The following CLTC variants were observed in gnomAD, a reference collection of about 807,000 sequenced individuals.
CLTC encodes the protein clathrin heavy chain, also known as clathrin heavy chain 1.
A neutral mutation model predicts 195.8 loss-of-function variants in CLTC; 16 were observed. The ratio of observed to expected loss-of-function variants is 0.08; its 90% CI spans 0.06 to 0.12. The LOEUF (loss-of-function observed/expected upper bound fraction) is 0.12, where lower values mean the gene tolerates loss of function less well. Among genes scored for constraint, CLTC ranks in the 10% least tolerant of loss-of-function variants. The pLI is 1.00. For synonymous variants in CLTC, 667 were observed against 689.4 expected, an observed-to-expected ratio of 0.97 and a Z score of 0.51; for missense variants, 796 against 2,027.0, an observed-to-expected ratio of 0.39 and a Z score of 11.66.
chr17:59,678,037 A>G (rs2033003556), intron 17 of CLTC, among the ~76,000 whole-genome samples: 1 of 152,130 alleles, frequency 6.6e-6, no homozygotes, highest in African/African-American at 2.4e-5. Context: ...TACTGTCTCT[A>G]TGGATTTGCC....
intron 17 of CLTC, 70 bp from the exon 18 acceptor site, chr17:59,679,327 A>G (rs935782319): frequency 3.9e-6 from 5 of 1,294,120 alleles, no homozygotes; most frequent in African/African-American, 3.0e-5. Flanking sequence ...AAGATAGGAA[A>G]TACCCTCTAA....
chr17:59,690,550 C>T (rs1027171566), intron 30 of CLTC, 86 bp from the exon 31 acceptor site: 9 of 853,320 alleles, frequency 1.1e-5, no homozygotes, highest in African/African-American at 1.7e-5. Flanking sequence ...CAGAATTTAA[C>T]ATACTAAGGC....
chr17:59,631,018 CT>C (rs2031698548), intron 1 of CLTC, among the ~76,000 whole-genome samples: 1 of 152,198 alleles, frequency 6.6e-6, no homozygotes, highest in Non-Finnish European at 1.5e-5. Context: ...GACATGCCCA[CT>C]AGAAATATAT....
intron 1 of CLTC, among the ~76,000 whole-genome samples, chr17:59,639,919 A>G (rs1325660344): frequency 6.6e-6 from 1 of 151,930 alleles, no homozygotes; most frequent in Non-Finnish European, 1.5e-5. Context: ...GTACCACTGC[A>G]CTCCAGCCTG....
chr17:59,690,653 T>G lies in CLTC; in HGVS notation c.4845T>G (p.Ala1615=). The part of the protein sequence containing the change: ...EYLTKVDKLD[A]SESLRKEEEQ... ...TTCTCCAGGTGGATAAATTAGATGC[T>G]TCAGAATCACTGAGAAAAGAAGAAG... Residue 1615 remains alanine (A), a synonymous_variant, in exon 31 of 32, where the codon GCT becomes GCG. Coordinates refer to ENST00000269122, the MANE Select transcript of CLTC (RefSeq NM_004859.4). 3 of 1,612,972 alleles carry G rather than the reference T, an allele frequency of 1.9e-6. No homozygotes were observed. Among genetic ancestry groups the G allele is most frequent in the Non-Finnish European group, 2.5e-6 (3 of 1,179,370 alleles).
intron 1 of CLTC, among the ~76,000 whole-genome samples, chr17:59,627,144 ACCTGCCACAG>A (rs1167147947): frequency 6.6e-6 from 1 of 152,002 alleles, no homozygotes; most frequent in African/African-American, 2.4e-5. Flanking sequence ...CAAGCAGTCC[ACCTGCCACAG>A]CCTCCCAAAG....
chr17:59,637,554 TAAAAAA>T (rs545077564), intron 1 of CLTC, among the ~76,000 whole-genome samples: 4 of 131,334 alleles, frequency 3.0e-5, no homozygotes, highest in South Asian at 2.6e-4. Flanking sequence ...TGAAGTTTCT[TAAAAAA>T]AAAAAAAAAA....
intron 1 of CLTC, among the ~76,000 whole-genome samples, chr17:59,630,644 A>G (rs1044083294): frequency 6.6e-6 from 1 of 152,156 alleles, no homozygotes; most frequent in African/African-American, 2.4e-5. Flanking sequence ...CCTGTTCTGG[A>G]TATTTCACAT....
At position 59,666,766 on chromosome 17, in the gene CLTC, TATTC is replaced by T; in HGVS notation, c.1948-19_1948-16del. On this transcript the variant is annotated intron_variant, in intron 12 of 31. Coordinates refer to ENST00000269122, the MANE Select transcript of CLTC (RefSeq NM_004859.4). The surrounding 1 kb of genome is among the most constrained non-coding windows in gnomAD (Gnocchi z 4.9). ...CCATGAGGTTCAACATTATTTCATTTATTCATTCATTCATTTATTTTGTCTTGTA... is the reference window on the plus strand; with the variant it reads ...CCATGAGGTTCAACATTATTTCATTTATTCATTCATTTATTTTGTCTTGTA... The T allele has an allele frequency of 6.3e-7, 1 of 1,584,642 alleles. No individual in the cohort carries two copies. Among genetic ancestry groups the T allele is most frequent in the Non-Finnish European group, 8.6e-7 (1 of 1,160,554 alleles).
In CLTC at chr17:59,666,696, A is replaced by G; in HGVS notation, c.1947+52A>G. ...GGTGTTAGTTGTGATTAATAGGTAC[A>G]CTGAAAATGTGTTTGTGGTACTAAA... On this transcript the variant is annotated intron_variant, in intron 12 of 31. Coordinates refer to ENST00000269122, the MANE Select transcript of CLTC (RefSeq NM_004859.4). This position sits in a 1 kb window ranked among gnomAD's most constrained non-coding sequence, Gnocchi z 4.9. 18 of 1,567,954 alleles carry G rather than the reference A, an allele frequency of 1.1e-5. No individual in the cohort carries two copies. Among genetic ancestry groups the G allele is most frequent in the Non-Finnish European group, 1.6e-5 (18 of 1,148,412 alleles).
rs139077074 is a variant in CLTC, at chr17:59,624,041, C to T, written c.42+3868C>T. On this transcript the variant is annotated intron_variant, in intron 1 of 31. Transcript: ENST00000269122. The stretch of plus-strand genomic sequence containing the variant: ...AACACTCATTGTTCAAAAGTTTTAA[C>T]TGAATACTGTCTGTCTTGGAAAGTG... Among the ~76,000 whole-genome samples the T allele has an allele frequency of 2.4e-3, 372 of 152,262 alleles. 14 individuals carry two copies. In the East Asian group the frequency reaches 0.061, roughly 25 times the overall value.
intron 1 of CLTC, among the ~76,000 whole-genome samples, chr17:59,629,891 C>T (rs1199863225): frequency 6.6e-6 from 1 of 152,052 alleles, no homozygotes; most frequent in African/African-American, 2.4e-5. Context: ...TTTGATGTTA[C>T]AAAACTGCAC....
intron 1 of CLTC, among the ~76,000 whole-genome samples, chr17:59,639,363 A>G (rs993835602): frequency 6.6e-6 from 1 of 152,186 alleles, no homozygotes; most frequent in Admixed American, 6.5e-5. Flanking sequence ...TAACTATTCA[A>G]AAAAACAAGC....
Position 59,619,939 on chromosome 17 carries a change from C to T in CLTC, c.-193C>T. ...GCTGCGCCCGGTTCCGCCATTGCGG[C>T]TCTCCTGGCCCCTGGAGCCTCCGCC... On this transcript the variant is annotated 5_prime_UTR_variant, in exon 1 of 32. Transcript: ENST00000269122. 3.6e-6 allele frequency: 2 copies of T among 550,120 alleles called. No homozygotes were observed. Among genetic ancestry groups the T allele is most frequent in the Non-Finnish European group, 6.5e-6 (2 of 307,510 alleles). 34.1% of individuals were successfully genotyped at this position (550,120 alleles called of 1,614,324 possible).
At chr17:59,645,743 A>G (rs1345850625) in intron 2 of CLTC, among the ~76,000 whole-genome samples, 2 of 152,254 alleles carry the variant, frequency 1.3e-5, no homozygotes, top group African/African-American at 4.8e-5. Flanking sequence ...TCACTATCAC[A>G]TATCTAAGAT....
chr17:59,648,701 T>A lies in CLTC; in HGVS notation c.681+300T>A. The A allele has an allele frequency of 4.5e-6, 1 of 222,922 alleles. No individual in the cohort carries two copies. The highest frequency in any genetic ancestry group is 9.0e-6 in the Non-Finnish European group (1 of 111,506). The allele number at this position is 222,922 out of a possible 1,614,324, so 13.8% of individuals were successfully genotyped here. On this transcript the variant is annotated intron_variant, in intron 4 of 31. Transcript: ENST00000269122. The surrounding 1 kb of genome is among the most constrained non-coding windows in gnomAD (Gnocchi z 4.5). ...GTTGCCTATAATTTTTTTTGTTTAT[T>A]TGTTGCTTTTTGAGACAGGGTGTCA...
intron 1 of CLTC, among the ~76,000 whole-genome samples, chr17:59,638,567 G>T (rs942956044): frequency 1.9e-4 from 29 of 152,002 alleles, no homozygotes; most frequent in Non-Finnish European, 1.3e-4. Context: ...GGGTGGGAGT[G>T]GGGGTGGGAT....
Position 59,681,310 on chromosome 17 carries a change from C to T in CLTC, c.3081C>T (p.Leu1027=), listed in dbSNP as rs1219080902. The T allele has an allele frequency of 6.2e-7, 1 of 1,611,912 alleles. No homozygotes were observed. The highest frequency in any genetic ancestry group is 8.5e-7 in the Non-Finnish European group (1 of 1,178,732). ...TTTCTTAAAGGAATCTGCAAAACCT[C>T]CTTATCCTCACTGCAATTAAGGCTG... ...VFSEHRNLQN[L]LILTAIKADR... Residue 1027 remains leucine (L), a synonymous_variant, in exon 20 of 32, where the codon CTC becomes CTT. Transcript: ENST00000269122. This position sits in a 1 kb window ranked among gnomAD's most constrained non-coding sequence, Gnocchi z 5.0.
intron 4 of CLTC, among the ~76,000 whole-genome samples, chr17:59,649,252 G>T (rs1320242569): frequency 6.6e-6 from 1 of 152,152 alleles, no homozygotes; most frequent in Non-Finnish European, 1.5e-5. Flanking sequence ...AGTGGTCAGG[G>T]TCCCAGCCAA....
Sources: gnomAD v4.1 joint callset for allele counts (sites outside exome capture counted in the v4.1 genomes callset) on GRCh38, gnomAD v4.1.1 for gene constraint, Gnocchi (gnomAD v3.1) non-coding constraint, MANE v1.5 for transcripts, NCBI Gene and HGNC (gene_info 2026-07-23, HGNC 2026-07-21) for gene names.